Variants in ZBTB8A observed in about 807,000 individuals in gnomAD.
ZBTB8A encodes zinc finger and BTB domain containing 8A, also known as zinc finger and BTB domain-containing protein 8A.
Under a neutral mutation model 37.8 loss-of-function variants are expected in ZBTB8A, and 19 were observed. That is an observed-to-expected ratio of 0.50 (90% CI 0.35 to 0.74). The LOEUF (loss-of-function observed/expected upper bound fraction) is 0.74, where lower values mean the gene tolerates loss of function less well. ZBTB8A is among the 30% of genes least tolerant of loss of function. The pLI is 0.01. For missense variants in ZBTB8A, 394 were observed against 537.8 expected, an observed-to-expected ratio of 0.73 and a Z score of 2.65; for synonymous variants, 181 against 185.2, an observed-to-expected ratio of 0.98 and a Z score of 0.19.
intron 2 of ZBTB8A, among the ~76,000 whole-genome samples, chr1:32,566,612 A>G (rs990028531): frequency 1.6e-4 from 24 of 152,352 alleles, no homozygotes; most frequent in Non-Finnish European, 3.1e-4. Context: ...GAAGACAACT[A>G]TCATGTTTCT....
At position 32,601,924 on chromosome 1, in the gene ZBTB8A, G is replaced by C. The variant is rs1004076287; in HGVS notation, c.*1505G>C. The stretch of plus-strand genomic sequence containing the variant: ...CACGTTATTTATATGTAAATTTAAA[G>C]TATAAAACTATTTGAACAAATTATT... On this transcript the variant is annotated 3_prime_UTR_variant, in exon 5 of 5. Transcript: ENST00000373510. 2.8e-6 allele frequency: 1 copy of C among 362,840 alleles called. No individual in the cohort carries two copies. The highest frequency in any genetic ancestry group is 1.5e-4 in the South Asian group (1 of 6,730). The allele number at this position is 362,840 out of a possible 1,614,324, so 22.5% of individuals were successfully genotyped here.
chr1:32,596,474 A>C (rs1314757022), intron 4 of ZBTB8A, among the ~76,000 whole-genome samples: 1 of 152,100 alleles, frequency 6.6e-6, no homozygotes, highest in Non-Finnish European at 1.5e-5. Context: ...CCAGCTACTC[A>C]GGAGGCTGAG....
chr1:32,577,586 CTTTTTTTTTT>C (rs775868211), intron 2 of ZBTB8A, among the ~76,000 whole-genome samples: 2 of 86,762 alleles, frequency 2.3e-5, no homozygotes, highest in Non-Finnish European at 4.4e-5. Flanking sequence ...ATATTGTATT[CTTTTTTTTTT>C]TTTTTTTTTT....
At chr1:32,553,053 G>T (rs1446492609) in intron 1 of ZBTB8A, among the ~76,000 whole-genome samples, 5 of 150,884 alleles carry the variant, frequency 3.3e-5, no homozygotes, top group African/African-American at 1.2e-4. Context: ...TCTGACAGAG[G>T]CTCTTATATA....
chr1:32,581,743 T>A (rs1419163998), intron 2 of ZBTB8A, among the ~76,000 whole-genome samples: 1 of 152,114 alleles, frequency 6.6e-6, no homozygotes, highest in African/African-American at 2.4e-5. Context: ...AAGAAAGAGG[T>A]TTGATTGACT....
At chr1:32,561,009 T>G (rs1644240301) in intron 2 of ZBTB8A, among the ~76,000 whole-genome samples, 1 of 152,108 alleles carries the variant, frequency 6.6e-6, no homozygotes, top group Non-Finnish European at 1.5e-5. Context: ...ATGTTCTTAC[T>G]GCTCTCTGAT....
At position 32,601,461 on chromosome 1, in the gene ZBTB8A, C is replaced by T. The variant is rs1169230204; in HGVS notation, c.*1042C>T. 11 of 384,940 alleles carry T rather than the reference C, an allele frequency of 2.9e-5. No individual in the cohort carries two copies. Among genetic ancestry groups the T allele is most frequent in the Admixed American group, 9.0e-5 (2 of 22,192 alleles). 23.8% of individuals were successfully genotyped at this position (384,940 alleles called of 1,614,324 possible). On this transcript the variant is annotated 3_prime_UTR_variant, in exon 5 of 5. Transcript: ENST00000373510. Reference sequence around the variant, plus strand: ...TGCACTCCAGCCTGGGCAACAAGAGCGAAACTCCGTCTCAAAAAAAAAAGG... The same window carrying T: ...TGCACTCCAGCCTGGGCAACAAGAGTGAAACTCCGTCTCAAAAAAAAAAGG...
Position 32,601,337 on chromosome 1 carries a change from G to A in ZBTB8A, c.*918G>A, listed in dbSNP as rs964256225. 4 of 233,690 alleles carry A rather than the reference G, an allele frequency of 1.7e-5. No individual in the cohort carries two copies. The highest frequency in any genetic ancestry group is 3.3e-5 in the Non-Finnish European group (4 of 121,978). 14.5% of individuals were successfully genotyped at this position (233,690 alleles called of 1,614,324 possible). ...AAAAAATACAAAATTAGCCGGGCAT[G>A]GTGGCGGGTGCCTATAATCCCAGCT... is the stretch of plus-strand genomic sequence containing the variant. On this transcript the variant is annotated 3_prime_UTR_variant, in exon 5 of 5. Coordinates refer to ENST00000373510, the MANE Select transcript of ZBTB8A (RefSeq NM_001040441.3).
rs111594991 is a variant in ZBTB8A, at chr1:32,578,051, G to A, written c.-1-14880G>A. Among the ~76,000 whole-genome samples the A allele has an allele frequency of 1.4e-3, 212 of 150,912 alleles. 2 individuals carry two copies. Among genetic ancestry groups the A allele is most frequent in the African/African-American group, 4.8e-3 (198 of 41,130 alleles). ...CCCCAGCAGCTGGGATTACAGGTGC[G>A]TGCCACCATCCCCAGCTAATTTTTT... is the stretch of plus-strand genomic sequence containing the variant. On this transcript the variant is annotated intron_variant, in intron 2 of 4. Coordinates refer to ENST00000373510, the MANE Select transcript of ZBTB8A (RefSeq NM_001040441.3).
At chr1:32,540,500 G>A (rs1224344819) in intron 1 of ZBTB8A, among the ~76,000 whole-genome samples, 1 of 152,166 alleles carries the variant, frequency 6.6e-6, no homozygotes, top group African/African-American at 2.4e-5. Context: ...ATTCCACTTT[G>A]CAGATGAGGG....
At chr1:32,579,994 T>C (rs1336406273) in intron 2 of ZBTB8A, among the ~76,000 whole-genome samples, 1 of 152,206 alleles carries the variant, frequency 6.6e-6, no homozygotes, top group East Asian at 1.9e-4. Flanking sequence ...CATTGGCTAG[T>C]ACTTCCAGGA....
intron 1 of ZBTB8A, among the ~76,000 whole-genome samples, chr1:32,541,217 G>A (rs1406733124): frequency 6.6e-6 from 1 of 152,072 alleles, no homozygotes; most frequent in Non-Finnish European, 1.5e-5. Context: ...CCCATCTTAC[G>A]CAGTTTAAAA....
chr1:32,574,900 C>T (rs1250919304), intron 2 of ZBTB8A, among the ~76,000 whole-genome samples: 1 of 152,080 alleles, frequency 6.6e-6, no homozygotes, highest in Non-Finnish European at 1.5e-5. Flanking sequence ...AACTCAGCCC[C>T]ATCAGTAGCT....
At chr1:32,568,745 G>A (rs1339813812) in intron 2 of ZBTB8A, among the ~76,000 whole-genome samples, 1 of 152,080 alleles carries the variant, frequency 6.6e-6, no homozygotes, top group Non-Finnish European at 1.5e-5. Context: ...TTTGGTGTCT[G>A]GCTTCTTTCA....
intron 2 of ZBTB8A, among the ~76,000 whole-genome samples, chr1:32,576,327 T>C (rs1644358728): frequency 6.6e-6 from 1 of 152,216 alleles, no homozygotes; most frequent in Non-Finnish European, 1.5e-5. Context: ...ATTTCTGTTT[T>C]TCCCTTTTTC....
intron 2 of ZBTB8A, among the ~76,000 whole-genome samples, chr1:32,586,039 C>T (rs946613359): frequency 5.0e-5 from 7 of 141,252 alleles, no homozygotes; most frequent in African/African-American, 1.6e-4. Flanking sequence ...GATTTCTGGC[C>T]GGGCACGGTG....
intron 2 of ZBTB8A, among the ~76,000 whole-genome samples, chr1:32,589,431 A>G (rs1044030049): frequency 4.0e-5 from 6 of 151,740 alleles, no homozygotes; most frequent in Middle Eastern, 3.4e-3. Flanking sequence ...TTGTATTTTT[A>G]GTAGAGATAG....
chr1:32,562,024 A>G (rs2148225561), intron 2 of ZBTB8A, among the ~76,000 whole-genome samples: 1 of 152,006 alleles, frequency 6.6e-6, no homozygotes, highest in Admixed American at 6.6e-5. Flanking sequence ...ATCATGGCTC[A>G]CTGCAGCCTC....
chr1:32,556,655 GATC>G (rs1350863801), intron 2 of ZBTB8A, among the ~76,000 whole-genome samples: 1 of 151,972 alleles, frequency 6.6e-6, no homozygotes, highest in African/African-American at 2.4e-5. Context: ...AGGCAAGGTA[GATC>G]ATGAGGTCAA....
Sources: allele counts gnomAD v4.1 joint callset (sites outside exome capture counted in the v4.1 genomes callset), GRCh38; gene constraint gnomAD v4.1.1; transcripts MANE v1.5; gene names NCBI Gene and HGNC (gene_info 2026-07-23, HGNC 2026-07-21).